Variants in SYT1 observed in about 807,000 individuals in gnomAD.
SYT1 encodes the protein synaptotagmin-1.
A neutral mutation model predicts 44.8 loss-of-function variants in SYT1; 8 were observed. The observed-to-expected ratio is 0.18, with a 90% CI of 0.10 to 0.32. SYT1 has a LOEUF of 0.32. Ranked by LOEUF, SYT1 falls within the 10% of genes least tolerant of loss-of-function variation. The pLI is 1.00. For missense variants in SYT1, 286 were observed against 509.3 expected (o/e 0.56, Z 4.22); for synonymous variants, 154 against 188.8 (o/e 0.82, Z 1.51).
At chr12:79,105,953 G>C (rs1448121091) in intron 3 of SYT1, among the ~76,000 whole-genome samples, 3 of 151,828 alleles carry the variant, frequency 2.0e-5, no homozygotes, top group African/African-American at 4.8e-5. Context: ...CTGGATTGAA[G>C]ACATTGTAGA....
At chr12:79,329,533 G>A (rs1881762223) in intron 8 of SYT1, among the ~76,000 whole-genome samples, 1 of 152,218 alleles carries the variant, frequency 6.6e-6, no homozygotes, top group Non-Finnish European at 1.5e-5. Flanking sequence ...TAACTAGCAT[G>A]CATGTACACT....
intron 3 of SYT1, among the ~76,000 whole-genome samples, chr12:79,088,312 G>A (rs1325904465): frequency 5.3e-5 from 8 of 151,982 alleles, no homozygotes; most frequent in Admixed American, 5.3e-4. Context: ...ACCCCCTTCG[G>A]AAGGTTCAAT....
intron 3 of SYT1, among the ~76,000 whole-genome samples, chr12:79,200,880 A>G (rs1304444739): frequency 2.0e-5 from 3 of 152,164 alleles, no homozygotes; most frequent in African/African-American, 7.2e-5. Flanking sequence ...CCTGTCATAT[A>G]TATCTTGATT....
chr12:78,882,014 ATATT>A (rs1874484755), intron 1 of SYT1, among the ~76,000 whole-genome samples: 1 of 151,706 alleles, frequency 6.6e-6, no homozygotes. Flanking sequence ...TTGCAATTAT[ATATT>A]TATTTATTAT....
chr12:78,883,416 A>T (rs1448152279), intron 1 of SYT1, among the ~76,000 whole-genome samples: 1 of 151,604 alleles, frequency 6.6e-6, no homozygotes, highest in African/African-American at 2.4e-5. Context: ...TAATACTTTA[A>T]TGTGTGGTTT....
At chr12:79,045,784 G>GT (rs1874003515) in intron 2 of SYT1, 1 of 152,212 alleles carries the variant, frequency 6.6e-6, no homozygotes, top group African/African-American at 2.4e-5. Context: ...CAAAAACACT[G>GT]TTTAATTCTT....
At chr12:79,346,211 C>T (rs529208269) in intron 8 of SYT1, among the ~76,000 whole-genome samples, 1 of 152,230 alleles carries the variant, frequency 6.6e-6, no homozygotes, top group African/African-American at 2.4e-5. Context: ...TTTATTTATC[C>T]ATTGGAGATG....
chr12:78,981,169 G>A (rs529312984), intron 2 of SYT1, among the ~76,000 whole-genome samples: 10 of 139,476 alleles, frequency 7.2e-5, no homozygotes, highest in South Asian at 2.2e-4. Context: ...CTCATGTTGC[G>A]CAGGCTGGAG....
At chr12:79,168,317 C>T (rs1296970328) in intron 3 of SYT1, among the ~76,000 whole-genome samples, 1 of 151,990 alleles carries the variant, frequency 6.6e-6, no homozygotes, top group African/African-American at 2.4e-5. Context: ...TGTAAAGATT[C>T]AGCATTATAA....
At chr12:79,127,901 G>T (rs552621680) in intron 3 of SYT1, among the ~76,000 whole-genome samples, 7 of 152,176 alleles carry the variant, frequency 4.6e-5, no homozygotes, top group Non-Finnish European at 1.0e-4. Context: ...GAAATGGAAT[G>T]CCTGTGCTGA....
chr12:79,379,170 G>A (rs892157004), intron 9 of SYT1, among the ~76,000 whole-genome samples: 1 of 152,056 alleles, frequency 6.6e-6, no homozygotes, highest in African/African-American at 2.4e-5. Context: ...ATAGTCCTCA[G>A]ACCCAATAAA....
chr12:79,304,782 A>G (rs1431513485), intron 8 of SYT1, among the ~76,000 whole-genome samples: 2 of 152,014 alleles, frequency 1.3e-5, no homozygotes, highest in South Asian at 2.1e-4. Flanking sequence ...TTGTTAATCA[A>G]TTTTATAATA....
chr12:78,891,139 A>G (rs1247802731), intron 1 of SYT1, among the ~76,000 whole-genome samples: 2 of 151,932 alleles, frequency 1.3e-5, no homozygotes, highest in African/African-American at 2.4e-5. Context: ...CATTAGGCAC[A>G]AAATGAGCTC....
At chr12:79,227,031 A>G (rs891060826) in intron 4 of SYT1, among the ~76,000 whole-genome samples, 2 of 152,130 alleles carry the variant, frequency 1.3e-5, no homozygotes, top group African/African-American at 4.8e-5. Context: ...TATCTGGCAG[A>G]TGTGTTTTTT....
At chr12:79,436,852 G>C (rs1352303885) in intron 9 of SYT1, among the ~76,000 whole-genome samples, 1 of 152,118 alleles carries the variant, frequency 6.6e-6, no homozygotes, top group East Asian at 1.9e-4. Flanking sequence ...ATTTTTTTAA[G>C]TTATTAGATT....
chr12:79,196,303 G>A (rs1338780307), intron 3 of SYT1, among the ~76,000 whole-genome samples: 3 of 152,002 alleles, frequency 2.0e-5, no homozygotes, highest in African/African-American at 7.3e-5. Context: ...AAGTAGCTGG[G>A]ACTACAGGCA....
chr12:79,292,090 A>G lies in SYT1; in HGVS notation c.434A>G (p.Lys145Arg), dbSNP rs781303142. ...CCCAAAGAAGAGGAGAAACTGGGAA[A>G]ACTTCAGTATTCACTGGATTATGAT... is the stretch of plus-strand genomic sequence containing the variant. Reference protein sequence around the residue: ...EEPKEEEKLGKLQYSLDYDFQ... With the variant: ...EEPKEEEKLGRLQYSLDYDFQ... The change falls in exon 6 of 11, where the codon AAA (lysine) becomes AGA (arginine). Residue 145 changes from lysine (K) to arginine (R), a missense_variant. Physicochemically the swap from Lys to Arg is conservative, Grantham distance 26 (BLOSUM62 2). Around this residue, in one of 6 missense-constraint regions of SYT1, gnomAD observed 81 missense variants for 164.9 expected, o/e 0.49. Transcript: ENST00000261205. 1 of 1,614,088 alleles carries G rather than the reference A, an allele frequency of 6.2e-7. No individual in the cohort carries two copies. Among genetic ancestry groups the G allele is most frequent in the South Asian group, 1.1e-5 (1 of 91,084 alleles).
chr12:79,086,616 A>G (rs1877401078), intron 3 of SYT1, among the ~76,000 whole-genome samples: 1 of 152,178 alleles, frequency 6.6e-6, no homozygotes, highest in Non-Finnish European at 1.5e-5. Context: ...TGTAAAGATG[A>G]TCCTAACAGC....
Position 79,349,045 on chromosome 12 carries a change from G to GAAAGAA in SYT1, c.811-4455_811-4450dup, listed in dbSNP as rs1565919957. On this transcript the variant is annotated intron_variant, in intron 8 of 10. Transcript: ENST00000261205. ...AAAGAAAGAAAGAAAAAGAAAGAAA[G>GAAAGAA]AAAGAAAGAAAGGAGGGAGGGAGGG... Among the ~76,000 whole-genome samples, 419 of 115,816 alleles carry GAAAGAA rather than the reference G, an allele frequency of 3.6e-3. 2 individuals are homozygous for GAAAGAA. The highest frequency in any genetic ancestry group is 0.015 in the Middle Eastern group (3 of 200). 76.0% of individuals were successfully genotyped at this position (115,816 alleles called of 152,430 possible).
Sources: allele counts gnomAD v4.1 joint callset (sites outside exome capture counted in the v4.1 genomes callset), GRCh38; gene constraint gnomAD v4.1.1; regional missense constraint gnomAD v4.1.1; transcripts MANE v1.5; gene names NCBI Gene and HGNC (gene_info 2026-07-23, HGNC 2026-07-21).